Variants in ZNF683 observed in about 807,000 individuals in gnomAD.
The protein encoded by ZNF683 is zinc finger protein 683, also known as tissue-resident T-cell transcription regulator protein ZNF683.
A neutral mutation model predicts 31.4 loss-of-function variants in ZNF683; 20 were observed. That is an observed-to-expected ratio of 0.64 (90% CI 0.45 to 0.93). The LOEUF (loss-of-function observed/expected upper bound fraction) is 0.93, where lower values mean the gene tolerates loss of function less well. Ranked by LOEUF, ZNF683 falls within the 40% of genes least tolerant of loss-of-function variation. The probability of loss-of-function intolerance (pLI) is 0.00; values close to 1 mark genes in which losing one functional copy is unlikely to be tolerated. For missense variants in ZNF683, 621 were observed against 637.2 expected (o/e 0.97, Z 0.27); for synonymous variants, 264 against 267.6 (o/e 0.99, Z 0.13).
chr1:26,370,860 C>A, intron 1 of ZNF683: 1 of 333,454 alleles, frequency 3.0e-6, no homozygotes, highest in Non-Finnish European at 4.3e-6. Flanking sequence ...GGGCACTATC[C>A]ACTCAGCTTT....
chr1:26,372,410 A>C, intron 1 of ZNF683: 106 of 1,105,264 alleles, frequency 9.6e-5, no homozygotes, highest in East Asian at 1.2e-4. Flanking sequence ...GGCAAAAGGT[A>C]CCTCCCATTA....
intron 1 of ZNF683, chr1:26,370,802 A>G (rs2074652441): frequency 1.1e-6 from 1 of 901,006 alleles, no homozygotes; most frequent in Non-Finnish European, 1.3e-6. Flanking sequence ...TGCCACAGAT[A>G]GGAAGTGGGG....
In ZNF683 at chr1:26,365,237, A is replaced by G. The variant is rs1240925982; in HGVS notation, c.320-11T>C. 6.3e-7 allele frequency: 1 copy of G among 1,578,012 alleles called. No individual in the cohort carries two copies. Among genetic ancestry groups the G allele is most frequent in the Non-Finnish European group, 8.6e-7 (1 of 1,163,396 alleles). On this transcript the variant is annotated splice_polypyrimidine_tract_variant and intron_variant, in intron 3 of 5. Coordinates refer to ENST00000349618, the MANE Select transcript of ZNF683 (RefSeq NM_001114759.3). ...CTGGTGGCTCGTGCTCTAAGCAGGA[A>G]AAGGAAGGCGGTCAGATCCCCACAG...
At chr1:26,367,180 C>T (rs561829592) in intron 3 of ZNF683, among the ~76,000 whole-genome samples, 2 of 152,130 alleles carry the variant, frequency 1.3e-5, no homozygotes, top group African/African-American at 2.4e-5. Flanking sequence ...GCAGGAGAAT[C>T]GCTTGAACCT....
At chr1:26,366,271 G>A (rs1000178584) in intron 3 of ZNF683, among the ~76,000 whole-genome samples, 2 of 149,282 alleles carry the variant, frequency 1.3e-5, no homozygotes, top group African/African-American at 4.9e-5. Context: ...GCTGAGGAGA[G>A]AGGATTGCTT....
At chr1:26,369,659 C>A (rs1463179157) in intron 1 of ZNF683, among the ~76,000 whole-genome samples, 1 of 121,412 alleles carries the variant, frequency 8.2e-6, no homozygotes, top group Non-Finnish European at 1.7e-5. Context: ...CAGAGCAAGA[C>A]TTTGTCTCCA....
Position 26,361,736 on chromosome 1 carries a change from G to A in ZNF683, c.1430C>T (p.Ser477Phe), listed in dbSNP as rs752348586. The A allele has an allele frequency of 1.1e-5, 17 of 1,613,924 alleles. No individual in the cohort carries two copies. Among genetic ancestry groups the A allele is most frequent in the African/African-American group, 1.3e-5 (1 of 74,940 alleles). The change falls in exon 6 of 6, where the codon TCC becomes TTC. Residue 477 changes from serine to phenylalanine, a missense_variant. Ser to Phe is a radical substitution (Grantham distance 155). Transcript: ENST00000349618. ...TCTTGCTTTCCCCTGGGATGTCGAG[G>A]ACACTTTGACCTCATCTATGTCATA... ...MGYDIDEVKV[S>F]STSQGKARAV...
In ZNF683 at chr1:26,365,022, CA is replaced by C. The variant is rs1188754385; in HGVS notation, c.523del (p.Cys175ValfsTer63). 23 of 1,588,554 alleles carry C rather than the reference CA, an allele frequency of 1.4e-5. No homozygotes were observed. The highest frequency in any genetic ancestry group is 2.7e-5 in the African/African-American group (2 of 73,818). On this transcript the variant is annotated frameshift_variant, in exon 4 of 6. Coordinates refer to ENST00000349618, the MANE Select transcript of ZNF683 (RefSeq NM_001114759.3). LOFTEE classifies it high-confidence loss of function. The part of the protein sequence containing the change: ...KSPSPLAFCP[C>X]PPVNSISKEL... ...CTTGGAGATGGAGTTGACAGGGGGA[CA>C]GGGGCAGAAAGCCAAGGGGCTGGGG...
intron 1 of ZNF683, among the ~76,000 whole-genome samples, chr1:26,369,973 G>A (rs947650488): frequency 3.3e-5 from 5 of 151,490 alleles, no homozygotes; most frequent in Non-Finnish European, 2.9e-5. Context: ...TAGCCTGGGC[G>A]AGGATAGAGC....
At chr1:26,362,311 T>A in intron 5 of ZNF683, 2 of 849,624 alleles carry the variant, frequency 2.4e-6, no homozygotes, top group Non-Finnish European at 3.8e-6. Context: ...TTCATAGATA[T>A]GGTGGACTGA....
rs1553170768 is a variant in ZNF683, at chr1:26,361,880, G to T, written c.1286C>A (p.Ala429Asp). 2 of 1,614,022 alleles carry T rather than the reference G, an allele frequency of 1.2e-6. No homozygotes were observed. Among genetic ancestry groups the T allele is most frequent in the Non-Finnish European group, 1.7e-6 (2 of 1,179,908 alleles). ...GTGCACCAGGCCACAGGGCTGTGGGGCATGCAGCCGATGGTGCAGCTTCAG... is the reference window on the plus strand; with the variant it reads ...GTGCACCAGGCCACAGGGCTGTGGGTCATGCAGCCGATGGTGCAGCTTCAG... ...IHLKLHHRLH[A>D]PQPCGLVHTQ... Residue 429 changes from alanine (A) to aspartate (D), a missense_variant, in exon 6 of 6, where the codon GCC (alanine) becomes GAC (aspartate). By Grantham distance (126) the Ala-to-Asp change is moderately radical. Transcript: ENST00000349618.
Position 26,367,584 on chromosome 1 carries a change from TG to T in ZNF683, c.319+8del. On this transcript the variant is annotated splice_region_variant and intron_variant, in intron 3 of 5. Coordinates refer to ENST00000349618, the MANE Select transcript of ZNF683 (RefSeq NM_001114759.3). ...CAGGCGCAGGTGCAGCCCGGTGCCC[TG>T]GGCTTACTCATGCTCAAGGCGTCCT... The T allele has an allele frequency of 6.3e-7, 1 of 1,580,820 alleles. No homozygotes were observed. Among genetic ancestry groups the T allele is most frequent in the South Asian group, 1.2e-5 (1 of 85,770 alleles).
chr1:26,369,994 CTCAATCAA>C (rs71765830), intron 1 of ZNF683, among the ~76,000 whole-genome samples: 2 of 151,106 alleles, frequency 1.3e-5, no homozygotes, highest in African/African-American at 4.9e-5. Flanking sequence ...AAGACCCTGT[CTCAATCAA>C]TCAATCAATC....
chr1:26,364,793 C>A lies in ZNF683; in HGVS notation c.753G>T (p.Glu251Asp), dbSNP rs1297565492. 1 of 1,592,394 alleles carries A rather than the reference C, an allele frequency of 6.3e-7. No homozygotes were observed. The highest frequency in any genetic ancestry group is 1.4e-5 in the African/African-American group (1 of 69,106). The change falls in exon 4 of 6, where the codon GAG becomes GAT. Residue 251 changes from glutamate to aspartate, a missense_variant. Glu to Asp is a conservative substitution (Grantham distance 45). Coordinates refer to ENST00000349618, the MANE Select transcript of ZNF683 (RefSeq NM_001114759.3). ...NELGHPSARW[E>D]TLLPYPGAFQ... ...AGGCCCCTGGGTAGGGAAGCAGGGTCTCCCACCGAGCGCTGGGGTGCCCCA... is the reference window on the plus strand; with the variant it reads ...AGGCCCCTGGGTAGGGAAGCAGGGTATCCCACCGAGCGCTGGGGTGCCCCA...
At position 26,361,839 on chromosome 1, in the gene ZNF683, C is replaced by A. The variant is rs370187485; in HGVS notation, c.1327G>T (p.Ala443Ser). The change falls in exon 6 of 6, where the codon GCC (alanine) becomes TCC (serine). Residue 443 changes from alanine to serine, a missense_variant. Coordinates refer to ENST00000349618, the MANE Select transcript of ZNF683 (RefSeq NM_001114759.3). ...CATTGGGCAAGGCAGGCCAGAGAGG[C>A]CAGGGGCAGCTGGGTGTGCACCAGG... ...CGLVHTQLPL[A>S]SLACLAQWHQ... 6.2e-7 allele frequency: 1 copy of A among 1,614,026 alleles called. No homozygotes were observed. The highest frequency in any genetic ancestry group is 8.5e-7 in the Non-Finnish European group (1 of 1,179,898).
Position 26,367,619 on chromosome 1 carries a change from C to A in ZNF683, c.293G>T (p.Gly98Val). The A allele has an allele frequency of 1.2e-6, 2 of 1,609,440 alleles. No homozygotes were observed. Among genetic ancestry groups the A allele is most frequent in the Non-Finnish European group, 1.7e-6 (2 of 1,178,486 alleles). ...QPAPLGTDLQGLQEDALSMKH... is the reference protein window; with the variant it reads ...QPAPLGTDLQVLQEDALSMKH... ...CATGCTCAAGGCGTCCTCTTGGAGG[C>A]CCTGCAGGTCTGTGCCCAGGGGTGC... Residue 98 changes from glycine (G) to valine (V), a missense_variant, in exon 3 of 6, where the codon GGC becomes GTC. Physicochemically the swap from Gly to Val is moderately radical, Grantham distance 109. Transcript: ENST00000349618.
chr1:26,363,278 C>T, intron 4 of ZNF683, 124 bp from the exon 5 acceptor site: 15 of 1,272,066 alleles, frequency 1.2e-5, no homozygotes, highest in Non-Finnish European at 1.5e-5. Flanking sequence ...CCCATCATCC[C>T]CAGGATACTC....
chr1:26,367,828 T>C, intron 2 of ZNF683, 31 bp from the exon 3 acceptor site: 1 of 1,506,276 alleles, frequency 6.6e-7, no homozygotes. Flanking sequence ...GCTTGGGGGC[T>C]GGTGACTGGG....
At chr1:26,372,193 T>C (rs1447646032) in intron 1 of ZNF683, among the ~76,000 whole-genome samples, 6 of 152,214 alleles carry the variant, frequency 3.9e-5, no homozygotes, top group Non-Finnish European at 2.9e-5. Context: ...CTGTGCACCA[T>C]GGGCTGGGGC....
Sources: gnomAD v4.1 joint callset for allele counts (sites outside exome capture counted in the v4.1 genomes callset) on GRCh38, gnomAD v4.1.1 for gene constraint, MANE v1.5 for transcripts, NCBI Gene and HGNC (gene_info 2026-07-23, HGNC 2026-07-21) for gene names.